Variants in NTM observed in about 807,000 individuals in gnomAD.
NTM encodes the protein neurotrimin, also known as IgLON family member 2.
In NTM, 13 loss-of-function variants were observed where a neutral mutation model predicts 42.1. The observed-to-expected ratio is 0.31, with a 90% CI of 0.20 to 0.49. The LOEUF (loss-of-function observed/expected upper bound fraction) is 0.49. NTM is among the 20% of genes least tolerant of loss of function. The probability of loss-of-function intolerance (pLI) is 0.99; values close to 1 mark genes in which losing one functional copy is unlikely to be tolerated. For synonymous variants in NTM, 187 were observed against 179.2 expected (o/e 1.04, Z -0.35); for missense variants, 373 against 452.8 (o/e 0.82, Z 1.60).
At chr11:131,638,446 A>G (rs1251275540) in intron 1 of NTM, among the ~76,000 whole-genome samples, 1 of 151,762 alleles carries the variant, frequency 6.6e-6, no homozygotes, top group Non-Finnish European at 1.5e-5. Context: ...GGTGCCTGTA[A>G]TCCCAGCTAC....
intron 1 of NTM, among the ~76,000 whole-genome samples, chr11:131,902,771 C>G (rs933655917): frequency 3.3e-5 from 5 of 152,174 alleles, no homozygotes; most frequent in Non-Finnish European, 7.3e-5. Context: ...TCAGGGATAG[C>G]AAATATCAGT....
intron 1 of NTM, among the ~76,000 whole-genome samples, chr11:131,417,584 T>C (rs987626866): frequency 2.0e-5 from 3 of 152,146 alleles, no homozygotes; most frequent in Admixed American, 1.3e-4. Flanking sequence ...TAAGGAAAAT[T>C]AGGGCTACTG....
chr11:131,598,848 T>TCCTTCCTTCCTC (rs1555161616), intron 1 of NTM, among the ~76,000 whole-genome samples: 1 of 41,192 alleles, frequency 2.4e-5, no homozygotes, highest in Non-Finnish European at 5.6e-5. Flanking sequence ...TTTCTTTCTT[T>TCCTTCCTTCCTC]CTTCCTTCCT....
At chr11:131,626,617 T>C (rs1171665127) in intron 1 of NTM, among the ~76,000 whole-genome samples, 3 of 152,168 alleles carry the variant, frequency 2.0e-5, no homozygotes, top group Non-Finnish European at 4.4e-5. Flanking sequence ...CAGGACGTGA[T>C]GGGCAAAAGG....
chr11:132,268,647 G>T (rs1179483641), intron 4 of NTM, among the ~76,000 whole-genome samples: 1 of 139,584 alleles, frequency 7.2e-6, no homozygotes, highest in African/African-American at 2.7e-5. Flanking sequence ...GTGTGTTTGT[G>T]GTGTGGGGTC....
chr11:132,330,029 G>A, intron 7 of NTM, 124 bp from the exon 8 acceptor site: 3 of 1,458,570 alleles, frequency 2.1e-6, no homozygotes, highest in Non-Finnish European at 1.8e-6. Flanking sequence ...AGGGACATGG[G>A]CAAGAGGCGC....
rs1418560212 is a variant in NTM, at chr11:131,542,128, T to C, written c.82+171240T>C. 7.9e-5 allele frequency among the ~76,000 whole-genome samples: 12 copies of C among 152,184 alleles called. 1 individual carries two copies. On this transcript the variant is annotated intron_variant, in intron 1 of 8. Coordinates refer to ENST00000683400, the MANE Select transcript of NTM (RefSeq NM_001352005.2). The stretch of plus-strand genomic sequence containing the variant: ...GCTGACAACTAAATGGGAATGATTG[T>C]CCATTCTATTTCCATGTGTTGTTTG...
intron 1 of NTM, among the ~76,000 whole-genome samples, chr11:131,403,036 A>T (rs1945412785): frequency 6.6e-6 from 1 of 152,242 alleles, no homozygotes; most frequent in South Asian, 2.1e-4. Flanking sequence ...CAGTAGAAAA[A>T]GCTTAGACTG....
At chr11:132,189,950 T>C (rs546949724) in intron 3 of NTM, among the ~76,000 whole-genome samples, 54 of 152,302 alleles carry the variant, frequency 3.5e-4, no homozygotes, top group South Asian at 1.2e-3. Flanking sequence ...TTCTAGAATC[T>C]CATATTCTTG....
intron 1 of NTM, among the ~76,000 whole-genome samples, chr11:131,418,221 T>G (rs1189603940): frequency 1.3e-5 from 2 of 152,198 alleles, no homozygotes; most frequent in African/African-American, 4.8e-5. Flanking sequence ...CAATTTTGAA[T>G]GGGATTCAGA....
intron 1 of NTM, among the ~76,000 whole-genome samples, chr11:131,542,251 T>C (rs190300256): frequency 1.3e-5 from 2 of 152,208 alleles, no homozygotes; most frequent in African/African-American, 4.8e-5. Context: ...GCTTTTGAGA[T>C]GAGCCTTGAA....
intron 1 of NTM, among the ~76,000 whole-genome samples, chr11:131,620,597 G>C (rs1360223068): frequency 6.6e-6 from 1 of 152,120 alleles, no homozygotes; most frequent in Non-Finnish European, 1.5e-5. Context: ...GCATAATCCT[G>C]CCTCAGGGCC....
intron 1 of NTM, among the ~76,000 whole-genome samples, chr11:131,613,292 G>A (rs1241274652): frequency 6.6e-6 from 1 of 152,072 alleles, no homozygotes; most frequent in Non-Finnish European, 1.5e-5. Flanking sequence ...ACTGACCAGG[G>A]ACACCCGCCT....
Position 131,607,618 on chromosome 11 carries a change from T to C in NTM, c.82+236730T>C, listed in dbSNP as rs1388726489. On this transcript the variant is annotated intron_variant, in intron 1 of 8. Coordinates refer to ENST00000683400, the MANE Select transcript of NTM (RefSeq NM_001352005.2). ...GGTCAGGGTTAGCAGAGCCTGCCTG[T>C]AATGAACACTAGTTGCAAAATGCTA... 2.6e-5 allele frequency among the ~76,000 whole-genome samples: 4 copies of C among 152,312 alleles called. No homozygotes were observed. In the East Asian group the frequency reaches 7.7e-4, roughly 29 times the overall value.
chr11:131,796,851 C>A (rs995353452), intron 1 of NTM, among the ~76,000 whole-genome samples: 14 of 152,176 alleles, frequency 9.2e-5, no homozygotes, highest in African/African-American at 3.4e-4. Flanking sequence ...TGTCTTCCTT[C>A]CTCCTAGAGA....
intron 1 of NTM, among the ~76,000 whole-genome samples, chr11:131,571,053 TCTG>T (rs1309525021): frequency 6.6e-6 from 1 of 152,210 alleles, no homozygotes; most frequent in African/African-American, 2.4e-5. Context: ...GAATCCCAGT[TCTG>T]CTGTGCGGCC....
At chr11:131,807,785 C>A (rs2092572690) in intron 1 of NTM, among the ~76,000 whole-genome samples, 1 of 152,100 alleles carries the variant, frequency 6.6e-6, no homozygotes, top group South Asian at 2.1e-4. Context: ...ATTGTATCTT[C>A]TTTGTATTTT....
intron 1 of NTM, among the ~76,000 whole-genome samples, chr11:131,597,287 G>A: frequency 6.6e-6 from 1 of 152,070 alleles, no homozygotes; most frequent in East Asian, 1.9e-4. Flanking sequence ...CACTTGCTCT[G>A]TCTTCCTCTG....
intron 2 of NTM, among the ~76,000 whole-genome samples, chr11:132,068,644 A>G (rs1052448751): frequency 2.2e-4 from 33 of 152,250 alleles, no homozygotes; most frequent in Admixed American, 1.4e-3. Flanking sequence ...ACTTCCTTGT[A>G]GCAAAATCTG....
Sources: gnomAD v4.1 joint callset for allele counts (sites outside exome capture counted in the v4.1 genomes callset) on GRCh38, gnomAD v4.1.1 for gene constraint, MANE v1.5 for transcripts, NCBI Gene and HGNC (gene_info 2026-07-23, HGNC 2026-07-21) for gene names.